VIT: variants seen among roughly 807,000 people sequenced by gnomAD.
VIT encodes the protein vitrin.
A neutral mutation model predicts 78.0 loss-of-function variants in VIT; 99 were observed. The ratio of observed to expected loss-of-function variants is 1.27; its 90% CI spans 1.08 to 1.50. The LOEUF (loss-of-function observed/expected upper bound fraction) is 1.50, where lower values mean the gene tolerates loss of function less well. Ranked by LOEUF, VIT falls within the 40% of genes most tolerant of loss-of-function variation. VIT has a pLI of 0.00. For synonymous variants in VIT, 374 were observed against 334.3 expected, an observed-to-expected ratio of 1.12 and a Z score of -1.29; for missense variants, 1,126 against 875.3, an observed-to-expected ratio of 1.29 and a Z score of -3.61.
At chr2:36,772,844 T>C (rs1669841414) in intron 7 of VIT, among the ~76,000 whole-genome samples, 1 of 152,244 alleles carries the variant, frequency 6.6e-6, no homozygotes, top group Non-Finnish European at 1.5e-5. Flanking sequence ...TTCCATGCCC[T>C]CTTGCTCTTC....
At chr2:36,801,948 G>A (rs1239731299) in intron 13 of VIT, among the ~76,000 whole-genome samples, 1 of 152,170 alleles carries the variant, frequency 6.6e-6, no homozygotes, top group East Asian at 1.9e-4. Context: ...CTGCTGTCCT[G>A]ACTATTTTTT....
At chr2:36,739,576 A>G (rs1667708186) in intron 3 of VIT, among the ~76,000 whole-genome samples, 2 of 152,150 alleles carry the variant, frequency 1.3e-5, no homozygotes, top group South Asian at 4.1e-4. Flanking sequence ...AGGTAATCCT[A>G]CAGTTCGATC....
intron 12 of VIT, among the ~76,000 whole-genome samples, chr2:36,795,631 T>A (rs1401205871): frequency 6.6e-6 from 1 of 152,072 alleles, no homozygotes; most frequent in Non-Finnish European, 1.5e-5. Flanking sequence ...ATCAAGCTGG[T>A]CTCGAACTCC....
At chr2:36,735,358 T>C (rs1187670221) in intron 3 of VIT, among the ~76,000 whole-genome samples, 2 of 152,224 alleles carry the variant, frequency 1.3e-5, no homozygotes, top group African/African-American at 4.8e-5. Context: ...TATCCCACCA[T>C]ATTTGGCTTA....
At chr2:36,726,953 G>C (rs377765876) in intron 2 of VIT, among the ~76,000 whole-genome samples, 45 of 151,768 alleles carry the variant, frequency 3.0e-4, no homozygotes, top group African/African-American at 1.0e-3. Context: ...CATCTTATGT[G>C]CTTGAAAAGG....
At chr2:36,789,274 A>G (rs1665319909) in intron 12 of VIT, among the ~76,000 whole-genome samples, 1 of 152,182 alleles carries the variant, frequency 6.6e-6, no homozygotes, top group South Asian at 2.1e-4. Flanking sequence ...AAGTGCTGCC[A>G]TCTGCATAGC....
At chr2:36,727,010 C>T (rs1472896685) in intron 2 of VIT, among the ~76,000 whole-genome samples, 2 of 152,060 alleles carry the variant, frequency 1.3e-5, no homozygotes, top group African/African-American at 2.4e-5. Context: ...CCTTCTTCAC[C>T]TATTGATATA....
chr2:36,808,758 G>A lies in VIT; in HGVS notation c.1676G>A (p.Arg559Gln), dbSNP rs368730658. ...IGAVQYTYEQ[R>Q]LEFGFDKYSS... ...GCCGTGCAGTACACCTACGAACAGC[G>A]GCTGGAGTTTGGGTTCGACAAGTAC... The change falls in exon 15 of 16, where the codon CGG (arginine) becomes CAG (glutamine). Residue 559 changes from arginine to glutamine, a missense_variant. By Grantham distance (43) the Arg-to-Gln change is conservative. Transcript: ENST00000379242. 22 of 1,613,940 alleles carry A rather than the reference G, an allele frequency of 1.4e-5. No homozygotes were observed. Among genetic ancestry groups the A allele is most frequent in the Middle Eastern group, 1.6e-4 (1 of 6,080 alleles).
chr2:36,799,731 A>AT (rs397817508), intron 12 of VIT, among the ~76,000 whole-genome samples: 3 of 149,990 alleles, frequency 2.0e-5, no homozygotes, highest in Non-Finnish European at 4.4e-5. Context: ...AAAAAAAAAA[A>AT]GTCTTCTCCT....
intron 2 of VIT, among the ~76,000 whole-genome samples, chr2:36,720,888 T>C (rs950852701): frequency 6.6e-6 from 1 of 152,088 alleles, no homozygotes; most frequent in Non-Finnish European, 1.5e-5. Context: ...CGGGCACCTG[T>C]AATCTAAGCT....
intron 4 of VIT, 59 bp from the exon 5 acceptor site, chr2:36,754,862 T>C: frequency 6.4e-7 from 1 of 1,571,316 alleles, no homozygotes; most frequent in Non-Finnish European, 8.6e-7. Flanking sequence ...TTCTAGCCTG[T>C]TGATCACGTC....
intron 15 of VIT, among the ~76,000 whole-genome samples, chr2:36,810,489 G>A (rs1220735726): frequency 6.6e-6 from 1 of 152,096 alleles, no homozygotes; most frequent in Non-Finnish European, 1.5e-5. Flanking sequence ...TAAACAGCCT[G>A]GAGAAAACCC....
intron 4 of VIT, among the ~76,000 whole-genome samples, chr2:36,748,837 C>T (rs1412436951): frequency 6.6e-6 from 1 of 152,212 alleles, no homozygotes; most frequent in Non-Finnish European, 1.5e-5. Flanking sequence ...TATTGACTTT[C>T]AGTGTTTTCT....
intron 1 of VIT, among the ~76,000 whole-genome samples, chr2:36,702,312 A>G (rs560276130): frequency 1.3e-5 from 2 of 152,150 alleles, no homozygotes; most frequent in African/African-American, 2.4e-5. Flanking sequence ...ACATGCCTCA[A>G]TTTCCCCCAG....
At chr2:36,750,708 C>T (rs1015500269) in intron 4 of VIT, among the ~76,000 whole-genome samples, 4 of 151,686 alleles carry the variant, frequency 2.6e-5, no homozygotes, top group Admixed American at 2.6e-4. Context: ...GTAATCCCAG[C>T]TACTCGGGAG....
chr2:36,753,794 C>T (rs1327394301), intron 4 of VIT, among the ~76,000 whole-genome samples: 2 of 152,104 alleles, frequency 1.3e-5, no homozygotes, highest in Non-Finnish European at 2.9e-5. Flanking sequence ...GAGAAGAGAG[C>T]GAGTGAGGAG....
chr2:36,775,578 A>G (rs1219390532), intron 9 of VIT, among the ~76,000 whole-genome samples: 4 of 152,142 alleles, frequency 2.6e-5, no homozygotes, highest in East Asian at 3.9e-4. Context: ...ACCATCCTCC[A>G]GTTCTATAGC....
chr2:36,766,365 CA>C (rs35023854), intron 6 of VIT, among the ~76,000 whole-genome samples: 69,966 of 150,746 alleles, frequency 0.46, 18,522 homozygotes, highest in East Asian at 0.65. Flanking sequence ...GCTTTCTCTA[CA>C]AAAAAAAAAT....
chr2:36,808,818 G>T lies in VIT; in HGVS notation c.1736G>T (p.Arg579Met). The T allele has an allele frequency of 6.2e-7, 1 of 1,614,206 alleles. No homozygotes were observed. The highest frequency in any genetic ancestry group is 8.5e-7 in the Non-Finnish European group (1 of 1,180,014). Residue 579 changes from arginine (R) to methionine (M), a missense_variant, in exon 15 of 16, where the codon AGG becomes ATG. Arg to Met is a moderately conservative substitution (Grantham distance 91). Transcript: ENST00000379242. ...SKPDILNAIKRVGYWSGGTST... is the reference protein window; with the variant it reads ...SKPDILNAIKMVGYWSGGTST... ...CCTGACATCCTCAACGCCATCAAGA[G>T]GGTGGGCTACTGGAGTGGTGGCACC...
Sources: gnomAD v4.1 joint callset for allele counts (sites outside exome capture counted in the v4.1 genomes callset) on GRCh38, gnomAD v4.1.1 for gene constraint, MANE v1.5 for transcripts, NCBI Gene and HGNC (gene_info 2026-07-23, HGNC 2026-07-21) for gene names.